SIPA1L2: variants seen among roughly 807,000 people sequenced by gnomAD.
SIPA1L2 encodes signal induced proliferation associated 1 like 2, also known as signal-induced proliferation-associated 1-like protein 2.
SIPA1L2 carries 56 observed loss-of-function variants against 163.9 expected under a neutral mutation model. The observed-to-expected ratio is 0.34, with a 90% confidence interval of 0.28 to 0.43. The LOEUF is 0.43. SIPA1L2 is among the 20% of genes least tolerant of loss of function. The pLI, the probability that SIPA1L2 is intolerant of heterozygous loss-of-function variation, is 1.00. For synonymous variants in SIPA1L2, 877 were observed against 865.7 expected (o/e 1.01, Z -0.23); for missense variants, 1,974 against 2,193.5 (o/e 0.90, Z 2.00).
chr1:232,541,293 T>TAACAC (rs1553309823), intron 2 of SIPA1L2, among the ~76,000 whole-genome samples: 1 of 148,442 alleles, frequency 6.7e-6, no homozygotes, highest in Non-Finnish European at 1.5e-5. Flanking sequence ...TAACATAACA[T>TAACAC]AACATAACAG....
intron 3 of SIPA1L2, among the ~76,000 whole-genome samples, chr1:232,493,887 G>T (rs1415072407): frequency 6.6e-6 from 1 of 152,144 alleles, no homozygotes; most frequent in East Asian, 1.9e-4. Context: ...ACTAGTTCAT[G>T]AACAGCAAAA....
intron 2 of SIPA1L2, among the ~76,000 whole-genome samples, chr1:232,538,766 T>C (rs146007606): frequency 6.6e-6 from 1 of 152,096 alleles, no homozygotes; most frequent in African/African-American, 2.4e-5. Flanking sequence ...GATGATCACA[T>C]GAAGGTACAA....
intron 4 of SIPA1L2, among the ~76,000 whole-genome samples, chr1:232,492,648 G>A (rs1665990626): frequency 6.6e-6 from 1 of 152,168 alleles, no homozygotes; most frequent in Non-Finnish European, 1.5e-5. Flanking sequence ...ACAAAGCGTG[G>A]GTAGTAATGA....
chr1:232,458,421 T>C (rs560068120), intron 10 of SIPA1L2, among the ~76,000 whole-genome samples: 1 of 152,238 alleles, frequency 6.6e-6, no homozygotes. Flanking sequence ...CAATATTTCG[T>C]AGAAAATTCT....
chr1:232,538,115 T>G (rs1418854499), intron 2 of SIPA1L2, among the ~76,000 whole-genome samples: 1 of 152,170 alleles, frequency 6.6e-6, no homozygotes, highest in African/African-American at 2.4e-5. Flanking sequence ...ACAAAAAGTC[T>G]CAGTAATTTC....
chr1:232,494,983 C>T (rs1387314811), intron 3 of SIPA1L2, among the ~76,000 whole-genome samples: 3 of 152,062 alleles, frequency 2.0e-5, no homozygotes, highest in Non-Finnish European at 4.4e-5. Context: ...TTGAAGGAAA[C>T]CTATAGGTAT....
chr1:232,493,564 G>A lies in SIPA1L2; in HGVS notation c.1580C>T (p.Ser527Phe). The change falls in exon 4 of 23, where the codon TCC becomes TTC. Residue 527 changes from serine (S) to phenylalanine (F), a missense_variant. Physicochemically the swap from Ser to Phe is radical, Grantham distance 155 (BLOSUM62 -2). Around this residue, in one of 3 missense-constraint regions of SIPA1L2, gnomAD observed 288 missense variants for 418.9 expected, o/e 0.69. Coordinates refer to ENST00000674635, the MANE Select transcript of SIPA1L2 (RefSeq NM_020808.5). The part of the protein sequence containing the change: ...KVEDAKEKEG[S>F]QFNYRVAFRT... ...GAAAGCCACCCTGTAGTTGAACTGG[G>A]ATCCTTCTTTCTCCTTGGCATCTTC... 1.2e-6 allele frequency: 2 copies of A among 1,614,062 alleles called. No individual in the cohort carries two copies. Among genetic ancestry groups the A allele is most frequent in the Non-Finnish European group, 1.7e-6 (2 of 1,179,998 alleles).
chr1:232,451,698 C>A (rs1663589776), intron 10 of SIPA1L2, among the ~76,000 whole-genome samples: 1 of 152,112 alleles, frequency 6.6e-6, no homozygotes, highest in Non-Finnish European at 1.5e-5. Context: ...TAGCTTCTGG[C>A]ACATTCTTTA....
chr1:232,453,673 A>C (rs909911795), intron 10 of SIPA1L2, among the ~76,000 whole-genome samples: 6 of 152,118 alleles, frequency 3.9e-5, no homozygotes, highest in African/African-American at 1.4e-4. Context: ...TGATACAGCT[A>C]ATCAGAGATA....
At chr1:232,443,734 G>A in intron 11 of SIPA1L2, 49 bp from the exon 12 acceptor site, 3 of 1,506,064 alleles carry the variant, frequency 2.0e-6, no homozygotes, top group Non-Finnish European at 2.7e-6. Context: ...TATCTGCCAA[G>A]CCCCTTGACC....
intron 5 of SIPA1L2, among the ~76,000 whole-genome samples, chr1:232,489,483 G>C (rs923648855): frequency 1.4e-5 from 2 of 147,806 alleles, no homozygotes; most frequent in African/African-American, 5.1e-5. Context: ...ACCTGCTCAA[G>C]TTTAGAGTAT....
intron 2 of SIPA1L2, among the ~76,000 whole-genome samples, chr1:232,545,859 A>G (rs185218972): frequency 8.5e-5 from 13 of 152,368 alleles, no homozygotes; most frequent in Admixed American, 8.5e-4. Flanking sequence ...AATCTATATT[A>G]CTTCTTTAAA....
At chr1:232,562,104 A>G (rs549634143) in intron 2 of SIPA1L2, among the ~76,000 whole-genome samples, 13 of 152,222 alleles carry the variant, frequency 8.5e-5, no homozygotes, top group Non-Finnish European at 1.3e-4. Context: ...CTGGAGAAGT[A>G]CTGATGAGGA....
chr1:232,406,907 G>A (rs113013788), intron 19 of SIPA1L2, among the ~76,000 whole-genome samples: 13 of 152,318 alleles, frequency 8.5e-5, no homozygotes, highest in African/African-American at 3.1e-4. Context: ...TAAAGACAAA[G>A]TAGGGTTTTG....
At chr1:232,582,208 G>T (rs1660415371) in intron 1 of SIPA1L2, among the ~76,000 whole-genome samples, 2 of 152,058 alleles carry the variant, frequency 1.3e-5, no homozygotes, top group Admixed American at 1.3e-4. Context: ...TAGATACAGG[G>T]GGTACATGTG....
intron 1 of SIPA1L2, among the ~76,000 whole-genome samples, chr1:232,590,043 G>A (rs1660882239): frequency 6.6e-6 from 1 of 152,160 alleles, no homozygotes; most frequent in Non-Finnish European, 1.5e-5. Flanking sequence ...GTTCCTCTGA[G>A]GGCTTCCAGA....
At chr1:232,552,510 A>G (rs1658449901) in intron 2 of SIPA1L2, among the ~76,000 whole-genome samples, 1 of 152,014 alleles carries the variant, frequency 6.6e-6, no homozygotes, top group African/African-American at 2.4e-5. Context: ...AGCTAGGACT[A>G]CAGGCATATG....
chr1:232,474,735 A>G (rs1329589720), intron 7 of SIPA1L2, among the ~76,000 whole-genome samples: 1 of 152,144 alleles, frequency 6.6e-6, no homozygotes, highest in Non-Finnish European at 1.5e-5. Flanking sequence ...AAATATGTAC[A>G]ACTATTATAT....
At chr1:232,524,480 C>A (rs1407699116) in intron 2 of SIPA1L2, among the ~76,000 whole-genome samples, 2 of 151,874 alleles carry the variant, frequency 1.3e-5, no homozygotes, top group Non-Finnish European at 2.9e-5. Flanking sequence ...TATATTAAGT[C>A]CTATAAAATG....
Sources: allele counts gnomAD v4.1 joint callset (sites outside exome capture counted in the v4.1 genomes callset), GRCh38; gene constraint gnomAD v4.1.1; regional missense constraint gnomAD v4.1.1; transcripts MANE v1.5; gene names NCBI Gene and HGNC (gene_info 2026-07-23, HGNC 2026-07-21).